DYNC2H1: variants seen among roughly 807,000 people sequenced by gnomAD.
DYNC2H1 encodes the protein cytoplasmic dynein 2 heavy chain 1.
DYNC2H1 carries 410 observed loss-of-function variants against 570.0 expected under a neutral mutation model. The ratio of observed to expected loss-of-function variants is 0.72; its 90% confidence interval spans 0.66 to 0.78. DYNC2H1 has a LOEUF of 0.78. Ranked by LOEUF, DYNC2H1 falls within the 30% of genes least tolerant of loss-of-function variation. The pLI is 0.00. For missense variants in DYNC2H1, 4,865 were observed against 5,046.4 expected (o/e 0.96, Z 1.09); for synonymous variants, 1,688 against 1,677.6 (o/e 1.01, Z -0.15).
chr11:103,459,153 C>CAAA (rs1314531982), intron 87 of DYNC2H1, among the ~76,000 whole-genome samples: 1 of 149,790 alleles, frequency 6.7e-6, no homozygotes, highest in Admixed American at 6.6e-5. Context: ...ACTAAAAATA[C>CAAA]AAAAAATTAG....
At chr11:103,389,590 G>A (rs946703876) in intron 83 of DYNC2H1, among the ~76,000 whole-genome samples, 1 of 151,992 alleles carries the variant, frequency 6.6e-6, no homozygotes, top group Non-Finnish European at 1.5e-5. Flanking sequence ...TGTGATGTTA[G>A]GGTGTCAATT....
chr11:103,391,785 A>G (rs1343380720), intron 83 of DYNC2H1, among the ~76,000 whole-genome samples: 1 of 152,192 alleles, frequency 6.6e-6, no homozygotes, highest in African/African-American at 2.4e-5. Flanking sequence ...TTGCCTGGGT[A>G]TCAGCAGCAG....
Position 103,436,046 on chromosome 11 carries a change from A to G in DYNC2H1, c.12456+14A>G. On this transcript the variant is annotated intron_variant, in intron 85 of 88. Transcript: ENST00000375735. ...CTTGCAATACAGGTATGCCTAAATTATTTACTAAGTGGGTTGTCTGACTGT... is the reference window on the plus strand; with the variant it reads ...CTTGCAATACAGGTATGCCTAAATTGTTTACTAAGTGGGTTGTCTGACTGT... 4 of 1,609,930 alleles carry G rather than the reference A, an allele frequency of 2.5e-6. No individual in the cohort carries two copies. Among genetic ancestry groups the G allele is most frequent in the Non-Finnish European group, 2.5e-6 (3 of 1,177,274 alleles).
chr11:103,342,115 G>A (rs1939470037), intron 82 of DYNC2H1, among the ~76,000 whole-genome samples: 1 of 152,174 alleles, frequency 6.6e-6, no homozygotes, highest in Non-Finnish European at 1.5e-5. Context: ...GGTGAAGCCA[G>A]CTGGACTTCC....
Position 103,245,995 on chromosome 11 carries a change from AT to A in DYNC2H1, c.10042+622del, listed in dbSNP as rs910959380. Among the ~76,000 whole-genome samples the A allele has an allele frequency of 6.6e-5, 10 of 152,084 alleles. No individual in the cohort carries two copies. Among genetic ancestry groups the A allele is most frequent in the African/African-American group, 2.4e-4 (10 of 41,436 alleles). On this transcript the variant is annotated intron_variant, in intron 65 of 88. Transcript: ENST00000375735. This position sits in a 1 kb window ranked among gnomAD's most constrained non-coding sequence, Gnocchi z 4.5. ...ACAGCAAACTTTAAATAGAAAATTG[AT>A]GTTATTGGGGCAACGCAGAGAAATA...
rs1236975948 is a variant in DYNC2H1 at position 103,156,564 on chromosome 11, C to G, written c.3921C>G (p.Cys1307Trp). Residue 1307 changes from cysteine to tryptophan, a missense_variant, in exon 26 of 89, where the codon TGC (cysteine) becomes TGG (tryptophan). Coordinates refer to ENST00000375735, the MANE Select transcript of DYNC2H1 (RefSeq NM_001377.3). ...TAAATCAGGTTGGAGATAATAGATG[C>G]CTTCTCCAATCCTTAAAGGATTCTC... ...DIVNQVGDNR[C>W]LLQSLKDSPY... 1 of 1,613,424 alleles carries G rather than the reference C, an allele frequency of 6.2e-7. No individual in the cohort carries two copies. Among genetic ancestry groups the G allele is most frequent in the South Asian group, 1.1e-5 (1 of 91,042 alleles).
At chr11:103,347,747 G>A (rs1430811159) in intron 82 of DYNC2H1, among the ~76,000 whole-genome samples, 1 of 152,032 alleles carries the variant, frequency 6.6e-6, no homozygotes, top group Non-Finnish European at 1.5e-5. Context: ...CTTTTACACA[G>A]CTATTAGCAC....
chr11:103,216,307 G>A (rs1459615371), intron 55 of DYNC2H1, among the ~76,000 whole-genome samples: 1 of 151,968 alleles, frequency 6.6e-6, no homozygotes, highest in Admixed American at 6.6e-5. Flanking sequence ...TTTTTGAGTG[G>A]TTGCCTTTGT....
At position 103,137,658 on chromosome 11, in the gene DYNC2H1, C is replaced by T. The variant is rs1443056887; in HGVS notation, c.2574+1710C>T. On this transcript the variant is annotated intron_variant, in intron 17 of 88. Transcript: ENST00000375735. ...TGTAGTATAGTTTGAAGTCAGGTAG[C>T]GTGATGCCTCCAGCTTTGTTCTTTT... is the stretch of plus-strand genomic sequence containing the variant. Among the ~76,000 whole-genome samples, 578 of 151,932 alleles carry T rather than the reference C, an allele frequency of 3.8e-3. 1 individual carries two copies. Among genetic ancestry groups the T allele is most frequent in the South Asian group, 6.9e-3 (33 of 4,814 alleles).
At chr11:103,128,594 T>C (rs1302537954) in intron 12 of DYNC2H1, among the ~76,000 whole-genome samples, 1 of 152,244 alleles carries the variant, frequency 6.6e-6, no homozygotes, top group Non-Finnish European at 1.5e-5. Context: ...ATTAAGAATT[T>C]AGTTTTTTAG....
intron 84 of DYNC2H1, among the ~76,000 whole-genome samples, chr11:103,419,790 G>A (rs1413307124): frequency 6.6e-6 from 1 of 152,038 alleles, no homozygotes; most frequent in Non-Finnish European, 1.5e-5. Context: ...CTGAGATGGC[G>A]GAATTGACAG....
rs1863074337 is a variant in DYNC2H1 at position 103,209,755 on chromosome 11, T to C, written c.8455-121T>C. On this transcript the variant is annotated intron_variant, in intron 52 of 88. Transcript: ENST00000375735. This position sits in a 1 kb window ranked among gnomAD's most constrained non-coding sequence, Gnocchi z 4.2. ...AGATTTCTGTATTATTTTTGTCTCT[T>C]AGTCTGGAATGAATCCTAGAAGAAA... 1 of 688,932 alleles carries C rather than the reference T, an allele frequency of 1.5e-6. No individual in the cohort carries two copies. Among genetic ancestry groups the C allele is most frequent in the East Asian group, 4.0e-5 (1 of 25,038 alleles). 42.7% of individuals were successfully genotyped at this position (688,932 alleles called of 1,614,324 possible).
rs1359608792 is a variant in DYNC2H1 at position 103,244,221 on chromosome 11, C to T, written c.9918+430C>T. Among the ~76,000 whole-genome samples the T allele has an allele frequency of 6.6e-6, 1 of 152,080 alleles. No individual in the cohort carries two copies. The highest frequency in any genetic ancestry group is 1.5e-5 in the Non-Finnish European group (1 of 67,950). On this transcript the variant is annotated intron_variant, in intron 64 of 88. Transcript: ENST00000375735. This position sits in a 1 kb window ranked among gnomAD's most constrained non-coding sequence, Gnocchi z 4.3. ...CTCTCATAATTTCCAATTTCTTTAA[C>T]TCATTGACAGACATCTTTAATGTAT...
intron 75 of DYNC2H1, among the ~76,000 whole-genome samples, chr11:103,302,113 T>TA (rs1867072910): frequency 6.6e-6 from 1 of 152,048 alleles, no homozygotes; most frequent in Non-Finnish European, 1.5e-5. Flanking sequence ...TATAATCTCT[T>TA]ATCTGAATAG....
rs887857684 is a variant in DYNC2H1 at position 103,252,897 on chromosome 11, A to G, written c.10043-388A>G. Among the ~76,000 whole-genome samples, 1 of 152,190 alleles carries G rather than the reference A, an allele frequency of 6.6e-6. No individual in the cohort carries two copies. ...TTTCAAATACTGTATCTTAAATACT[A>G]GTGCAATAAACACTTTTAAAATGAT... On this transcript the variant is annotated intron_variant, in intron 65 of 88. Transcript: ENST00000375735. The surrounding 1 kb of genome is among the most constrained non-coding windows in gnomAD (Gnocchi z 4.6).
At chr11:103,419,357 C>T (rs1318799931) in intron 84 of DYNC2H1, among the ~76,000 whole-genome samples, 1 of 152,156 alleles carries the variant, frequency 6.6e-6, no homozygotes, top group Admixed American at 6.5e-5. Context: ...ACAGGAGTCT[C>T]CAGATACCTC....
At position 103,364,474 on chromosome 11, in the gene DYNC2H1, C is replaced by G. The variant is rs80223761; in HGVS notation, c.12156+6115C>G. On this transcript the variant is annotated intron_variant, in intron 83 of 88. Transcript: ENST00000375735. ...TTCTGTGTCATGTTGGTGTTTGCAT[C>G]TGATAATCTTTCTTTTTAAATTTAA... Among the ~76,000 whole-genome samples the G allele has an allele frequency of 9.2e-3, 1,395 of 152,086 alleles. 15 individuals are homozygous for G. Among genetic ancestry groups the G allele is most frequent in the African/African-American group, 0.032 (1,325 of 41,502 alleles).
intron 81 of DYNC2H1, among the ~76,000 whole-genome samples, chr11:103,323,128 G>A (rs548132269): frequency 5.9e-5 from 9 of 152,148 alleles, no homozygotes; most frequent in African/African-American, 1.9e-4. Flanking sequence ...TTAGATGCAC[G>A]TGCAGTACTT....
chr11:103,424,991 A>G (rs1943617013), intron 84 of DYNC2H1, among the ~76,000 whole-genome samples: 1 of 152,206 alleles, frequency 6.6e-6, no homozygotes, highest in Non-Finnish European at 1.5e-5. Context: ...GCAGGAGTAC[A>G]GTGGTACATT....
Sources: gnomAD v4.1 joint callset for allele counts (sites outside exome capture counted in the v4.1 genomes callset) on GRCh38, gnomAD v4.1.1 for gene constraint, Gnocchi (gnomAD v3.1) non-coding constraint, MANE v1.5 for transcripts, NCBI Gene and HGNC (gene_info 2026-07-23, HGNC 2026-07-21) for gene names.